The following RFX4 variants were observed in gnomAD, a reference collection of about 807,000 sequenced individuals.
The protein encoded by RFX4 is transcription factor RFX4.
A neutral mutation model predicts 95.0 loss-of-function variants in RFX4; 10 were observed. That is an observed-to-expected ratio of 0.11 (90% CI 0.06 to 0.18). The LOEUF (loss-of-function observed/expected upper bound fraction) is 0.18. Ranked by LOEUF, RFX4 falls within the 10% of genes least tolerant of loss-of-function variation. RFX4 has a pLI of 1.00. For missense variants in RFX4, 640 were observed against 922.0 expected (o/e 0.69, Z 3.96); for synonymous variants, 321 against 340.7 (o/e 0.94, Z 0.64).
intron 4 of RFX4, among the ~76,000 whole-genome samples, chr12:106,663,757 T>G (rs1305853819): frequency 3.6e-5 from 5 of 138,450 alleles, no homozygotes; most frequent in Non-Finnish European, 8.0e-5. Flanking sequence ...GCAGAAAGCG[T>G]TTTTTTTTTT....
chr12:106,693,183 C>T, intron 7 of RFX4: 1 of 364,560 alleles, frequency 2.7e-6, no homozygotes, highest in Non-Finnish European at 5.5e-6. Flanking sequence ...CTCCCTCCTT[C>T]CTTTTCCTTC....
At chr12:106,744,228 A>G (rs2042854564) in intron 15 of RFX4, among the ~76,000 whole-genome samples, 1 of 152,202 alleles carries the variant, frequency 6.6e-6, no homozygotes, top group Admixed American at 6.5e-5. Context: ...CAAGCCTAAC[A>G]TGTAGCCTGC....
At chr12:106,672,834 C>G (rs2041312825) in intron 4 of RFX4, among the ~76,000 whole-genome samples, 1 of 151,116 alleles carries the variant, frequency 6.6e-6, no homozygotes, top group Non-Finnish European at 1.5e-5. Context: ...GAGGTGCTAT[C>G]TGCAGCAGCC....
At chr12:106,614,295 G>A (rs1380277769) in intron 2 of RFX4, among the ~76,000 whole-genome samples, 1 of 151,866 alleles carries the variant, frequency 6.6e-6, no homozygotes, top group Non-Finnish European at 1.5e-5. Context: ...CAAGTAGCTG[G>A]GACTACAGGC....
intron 1 of RFX4, chr12:106,601,133 T>C: frequency 7.0e-7 from 1 of 1,435,262 alleles, no homozygotes; most frequent in Non-Finnish European, 9.2e-7. Flanking sequence ...GCAGGACCTG[T>C]GGCGTTGCCA....
intron 11 of RFX4, among the ~76,000 whole-genome samples, chr12:106,716,518 AG>A (rs920476556): frequency 6.6e-6 from 1 of 152,170 alleles, no homozygotes; most frequent in African/African-American, 2.4e-5. Context: ...AAGTTCCCTA[AG>A]AGGGTCCTAT....
intron 4 of RFX4, among the ~76,000 whole-genome samples, chr12:106,670,624 T>C (rs566912487): frequency 6.6e-6 from 1 of 152,340 alleles, no homozygotes; most frequent in African/African-American, 2.4e-5. Flanking sequence ...GGGAATTTCC[T>C]GTGACACCTG....
intron 1 of RFX4, among the ~76,000 whole-genome samples, chr12:106,597,567 C>T (rs992070182): frequency 3.3e-5 from 5 of 152,214 alleles, no homozygotes; most frequent in Admixed American, 2.6e-4. Flanking sequence ...GATACTACTC[C>T]GTTTTACAGA....
intron 4 of RFX4, among the ~76,000 whole-genome samples, chr12:106,664,543 T>C (rs921280012): frequency 6.6e-6 from 1 of 151,858 alleles, no homozygotes; most frequent in East Asian, 1.9e-4. Flanking sequence ...TTTCCTGTTT[T>C]CAATTTCATT....
chr12:106,757,547 CAAAAA>C (rs559762867), intron 17 of RFX4, among the ~76,000 whole-genome samples: 1 of 56,584 alleles, frequency 1.8e-5, no homozygotes, highest in Admixed American at 1.8e-4. Flanking sequence ...GACCCTGTCT[CAAAAA>C]AAAAAAAAAA....
At chr12:106,617,180 G>A (rs1211626594) in intron 2 of RFX4, among the ~76,000 whole-genome samples, 1 of 152,012 alleles carries the variant, frequency 6.6e-6, no homozygotes, top group Non-Finnish European at 1.5e-5. Context: ...AATTTTATTA[G>A]TCTTTTCAAA....
At chr12:106,759,240 G>C (rs1005355358) in intron 17 of RFX4, among the ~76,000 whole-genome samples, 1 of 152,204 alleles carries the variant, frequency 6.6e-6, no homozygotes, top group African/African-American at 2.4e-5. Context: ...GCAGGAGCCA[G>C]GGGTAGGGGT....
chr12:106,686,872 C>G lies in RFX4; in HGVS notation c.378-12C>G. On this transcript the variant is annotated splice_polypyrimidine_tract_variant and intron_variant, in intron 5 of 17. Coordinates refer to ENST00000392842, the MANE Select transcript of RFX4 (RefSeq NM_213594.3). The stretch of plus-strand genomic sequence containing the variant: ...TTTTTTCTCTCTCTCCCTCCCTCCC[C>G]TTGTGGCCCAGGTACCATTACTATG... 6.2e-7 allele frequency: 1 copy of G among 1,602,436 alleles called. No individual in the cohort carries two copies. The highest frequency in any genetic ancestry group is 8.5e-7 in the Non-Finnish European group (1 of 1,170,704).
Position 106,586,522 on chromosome 12 carries a change from C to A in RFX4, c.43+3159C>A, listed in dbSNP as rs1483177818. ...CGCCTACGCAACAGAAGGATCATTTCTTTTAAAACGGGATGGCGCGTTAGA... is the reference window on the plus strand; with the variant it reads ...CGCCTACGCAACAGAAGGATCATTTATTTTAAAACGGGATGGCGCGTTAGA... On this transcript the variant is annotated intron_variant, in intron 1 of 17. Coordinates refer to ENST00000392842, the MANE Select transcript of RFX4 (RefSeq NM_213594.3). This position sits in a 1 kb window ranked among gnomAD's most constrained non-coding sequence, Gnocchi z 5.6. Among the ~76,000 whole-genome samples, 1 of 151,466 alleles carries A rather than the reference C, an allele frequency of 6.6e-6. No individual in the cohort carries two copies. The highest frequency in any genetic ancestry group is 2.4e-5 in the African/African-American group (1 of 41,160).
chr12:106,610,266 A>G (rs942653350), intron 2 of RFX4, among the ~76,000 whole-genome samples: 3 of 151,820 alleles, frequency 2.0e-5, no homozygotes, highest in Non-Finnish European at 2.9e-5. Flanking sequence ...AAAGAATGAA[A>G]CATATCTGAA....
chr12:106,609,526 T>C (rs950103096), intron 2 of RFX4, among the ~76,000 whole-genome samples: 58 of 152,212 alleles, frequency 3.8e-4, no homozygotes, highest in African/African-American at 1.3e-3. Context: ...TCTTCCATGG[T>C]TGGTAAAGTG....
Position 106,586,626 on chromosome 12 carries a change from G to A in RFX4, c.43+3263G>A, listed in dbSNP as rs2039461889. On this transcript the variant is annotated intron_variant, in intron 1 of 17. Coordinates refer to ENST00000392842, the MANE Select transcript of RFX4 (RefSeq NM_213594.3). This position sits in a 1 kb window ranked among gnomAD's most constrained non-coding sequence, Gnocchi z 5.6. ...TCCCATCTCCAGAACCCAGAGCTGA[G>A]GCGGCCAAAGTACTTCCTGGAGCCG... Among the ~76,000 whole-genome samples the A allele has an allele frequency of 6.6e-6, 1 of 152,210 alleles. No homozygotes were observed. Among genetic ancestry groups the A allele is most frequent in the African/African-American group, 2.4e-5 (1 of 41,462 alleles).
chr12:106,649,810 T>A (rs2040824695), intron 3 of RFX4, among the ~76,000 whole-genome samples: 1 of 152,216 alleles, frequency 6.6e-6, no homozygotes, highest in African/African-American at 2.4e-5. Context: ...TAGTGGAGAA[T>A]GGAGCCCCCC....
chr12:106,643,045 T>C (rs939199670), intron 3 of RFX4, among the ~76,000 whole-genome samples: 2 of 152,154 alleles, frequency 1.3e-5, no homozygotes, highest in Non-Finnish European at 2.9e-5. Flanking sequence ...GAGGTGGAGA[T>C]GGCCAGTTAA....
Sources: allele counts gnomAD v4.1 joint callset (sites outside exome capture counted in the v4.1 genomes callset), GRCh38; gene constraint gnomAD v4.1.1; non-coding constraint Gnocchi (gnomAD v3.1); transcripts MANE v1.5; gene names NCBI Gene and HGNC (gene_info 2026-07-23, HGNC 2026-07-21).